SH2D5: variants seen among roughly 807,000 people sequenced by gnomAD.
SH2D5 encodes the protein SH2 domain-containing protein 5.
In SH2D5, 45 loss-of-function variants were observed where a neutral mutation model predicts 48.2. The observed-to-expected ratio is 0.93, with a 90% CI of 0.73 to 1.20. The LOEUF is 1.20. Among genes scored for constraint, SH2D5 ranks in the 50% most tolerant of loss-of-function variants. SH2D5 has a pLI of 0.00. For synonymous variants in SH2D5, 230 were observed against 249.8 expected (o/e 0.92, Z 0.75); for missense variants, 538 against 584.1 (o/e 0.92, Z 0.81).
chr1:20,727,324 G>C (rs996952058), intron 3 of SH2D5, 199 bp downstream of exon 3: 1 of 636,396 alleles, frequency 1.6e-6, no homozygotes, highest in African/African-American at 1.8e-5. Context: ...GCTTCCAGCT[G>C]TGGGGCCCAG....
chr1:20,730,977 A>G (rs1033424611), intron 1 of SH2D5: 2 of 152,386 alleles, frequency 1.3e-5, no homozygotes, highest in South Asian at 2.1e-4. Flanking sequence ...ACCCTGGGTC[A>G]GCAAAGGGTG....
At chr1:20,730,310 G>C (rs942101391) in intron 1 of SH2D5, among the ~76,000 whole-genome samples, 5 of 17,466 alleles carry the variant, frequency 2.9e-4, no homozygotes, top group South Asian at 2.2e-3. Flanking sequence ...CCTGCTCGGG[G>C]GGGGGGGGGA....
At chr1:20,722,076 C>G in intron 9 of SH2D5, 81 bp from the exon 10 acceptor site, 1 of 1,371,582 alleles carries the variant, frequency 7.3e-7, no homozygotes, top group Non-Finnish European at 1.0e-6. Context: ...CCACAGGAGC[C>G]TGCACATTTT....
chr1:20,727,886 T>C, intron 2 of SH2D5, 72 bp downstream of exon 2: 1 of 1,238,692 alleles, frequency 8.1e-7, no homozygotes. Flanking sequence ...CCCGCAGCAC[T>C]TCCCAATCAC....
In SH2D5 at chr1:20,725,998, A is replaced by G. The variant is rs980029046; in HGVS notation, c.312T>C (p.Phe104=). 1 of 1,613,284 alleles carries G rather than the reference A, an allele frequency of 6.2e-7. No individual in the cohort carries two copies. The highest frequency in any genetic ancestry group is 1.3e-5 in the African/African-American group (1 of 74,940). Residue 104 remains phenylalanine (F), a synonymous_variant, in exon 5 of 10, where the codon TTT becomes TTC. Transcript: ENST00000444387. The stretch of plus-strand genomic sequence containing the variant: ...TCCGTGGGTTTCGAGCCATGAAGGC[A>G]AACTGGCAGTCGGCAGGGCACCAGG... ...YSTWCPADCQ[F]AFMARNPRSP...
In SH2D5 at chr1:20,727,030, C is replaced by G. The variant is rs748955141; in HGVS notation, c.214G>C (p.Gly72Arg). ...RAVILKFSLQ[G>R]LKIYSGEGEV... ...CCCTCCCCGCTGTAGATCTTGAGACCCTGAAGGCTGAATTTCAGGATGACG... is the reference window on the plus strand; with the variant it reads ...CCCTCCCCGCTGTAGATCTTGAGACGCTGAAGGCTGAATTTCAGGATGACG... The change falls in exon 4 of 10, where the codon GGT (glycine) becomes CGT (arginine). Residue 72 changes from glycine (G) to arginine (R), a missense_variant. Transcript: ENST00000444387. The G allele has an allele frequency of 2.2e-5, 36 of 1,612,018 alleles. No homozygotes were observed. Among genetic ancestry groups the G allele is most frequent in the Non-Finnish European group, 3.1e-5 (36 of 1,179,044 alleles).
At position 20,728,906 on chromosome 1, in the gene SH2D5, C is replaced by A. The variant is rs2054857970; in HGVS notation, c.-42-820G>T. Among the ~76,000 whole-genome samples the A allele has an allele frequency of 6.6e-6, 1 of 152,116 alleles. No homozygotes were observed. Among genetic ancestry groups the A allele is most frequent in the African/African-American group, 2.4e-5 (1 of 41,420 alleles). On this transcript the variant is annotated intron_variant, in intron 1 of 9. Transcript: ENST00000444387. This position sits in a 1 kb window ranked among gnomAD's most constrained non-coding sequence, Gnocchi z 4.3. ...TCACTCAGCCCAAACAGACCCCAGC[C>A]CCTTCCTGAACCCCCCAACCCCTTG... is the stretch of plus-strand genomic sequence containing the variant.
Position 20,724,392 on chromosome 1 carries a change from G to C in SH2D5, c.630+4C>G. The stretch of plus-strand genomic sequence containing the variant: ...GCCCACTCCTTGGCTGGGGTGCTGC[G>C]TACCCCACTGCCCACCAGCCCCTCT... On this transcript the variant is annotated splice_donor_region_variant and intron_variant, in intron 6 of 9. Transcript: ENST00000444387. 6.2e-7 allele frequency: 1 copy of C among 1,612,334 alleles called. No homozygotes were observed. The highest frequency in any genetic ancestry group is 8.5e-7 in the Non-Finnish European group (1 of 1,179,704).
chr1:20,727,996 C>T lies in SH2D5; in HGVS notation c.49G>A (p.Ala17Thr). The T allele has an allele frequency of 6.4e-7, 1 of 1,570,482 alleles. No homozygotes were observed. The highest frequency in any genetic ancestry group is 8.6e-7 in the Non-Finnish European group (1 of 1,158,764). ...GTGATGCACCTGGGCCGGTGAGGGG[C>T]CAGCCCGCAGTCAGAGGCCCTGCGG... ...GGRRASDCGL[A>T]PHRPRCITKF... Residue 17 changes from alanine (A) to threonine (T), a missense_variant, in exon 2 of 10, where the codon GCC becomes ACC. Transcript: ENST00000444387.
chr1:20,722,985 A>G (rs2054718552), intron 8 of SH2D5, 70 bp from the exon 9 acceptor site: 1 of 1,372,210 alleles, frequency 7.3e-7, no homozygotes, highest in Admixed American at 3.0e-5. Context: ...GGACCCCAGC[A>G]GCATCGAGGC....
rs2054743897 is a variant in SH2D5, at chr1:20,724,073, C to T, written c.799+10G>A. ...GGTACACACAGGGCAGGCATGTTCC[C>T]ACAACTCACAGGCCTCCCGAGCCGA... On this transcript the variant is annotated intron_variant, in intron 7 of 9. Transcript: ENST00000444387. 1.2e-6 allele frequency: 2 copies of T among 1,607,828 alleles called. No individual in the cohort carries two copies. The highest frequency in any genetic ancestry group is 1.3e-5 in the African/African-American group (1 of 74,844).
At position 20,725,976 on chromosome 1, in the gene SH2D5, G is replaced by A. The variant is rs373170097; in HGVS notation, c.334C>T (p.Arg112Trp). 60 of 1,613,170 alleles carry A rather than the reference G, an allele frequency of 3.7e-5. No individual in the cohort carries two copies. The highest frequency in any genetic ancestry group is 2.8e-4 in the African/African-American group (21 of 75,060). ...CQFAFMARNP[R>W]SPASKLFCHL... is the part of the protein sequence containing the mutation. Reference sequence around the variant, plus strand: ...CAGAAGAGCTTGCTGGCTGGGCTCCGTGGGTTTCGAGCCATGAAGGCAAAC... The same window carrying A: ...CAGAAGAGCTTGCTGGCTGGGCTCCATGGGTTTCGAGCCATGAAGGCAAAC... Residue 112 changes from arginine to tryptophan, a missense_variant, in exon 5 of 10, where the codon CGG becomes TGG. Physicochemically the swap from Arg to Trp is moderately radical, Grantham distance 101. Coordinates refer to ENST00000444387, the MANE Select transcript of SH2D5 (RefSeq NM_001103161.2).
intron 9 of SH2D5, among the ~76,000 whole-genome samples, chr1:20,722,377 G>A (rs2054703594): frequency 6.6e-6 from 1 of 152,186 alleles, no homozygotes; most frequent in African/African-American, 2.4e-5. Flanking sequence ...GATTCCTGTA[G>A]AAATGTTAGA....
chr1:20,730,271 G>C (rs1052155350), intron 1 of SH2D5, among the ~76,000 whole-genome samples: 13 of 149,194 alleles, frequency 8.7e-5, no homozygotes, highest in African/African-American at 3.0e-4. Flanking sequence ...AGAGCTGTGG[G>C]GAGGAGAGGG....
rs2054868982 is a variant in SH2D5 at position 20,729,606 on chromosome 1, C to T, written c.-42-1520G>A. On this transcript the variant is annotated intron_variant, in intron 1 of 9. Coordinates refer to ENST00000444387, the MANE Select transcript of SH2D5 (RefSeq NM_001103161.2). The surrounding 1 kb of genome is among the most constrained non-coding windows in gnomAD (Gnocchi z 4.2). Reference sequence around the variant, plus strand: ...TTCTGCTCCCCTCCTTGTCCTTGGCCACACCGACAGGCGCCCACAGAGAGC... The same window carrying T: ...TTCTGCTCCCCTCCTTGTCCTTGGCTACACCGACAGGCGCCCACAGAGAGC... 6.6e-6 allele frequency among the ~76,000 whole-genome samples: 1 copy of T among 150,846 alleles called. No individual in the cohort carries two copies. The highest frequency in any genetic ancestry group is 2.1e-4 in the South Asian group (1 of 4,710).
intron 9 of SH2D5, among the ~76,000 whole-genome samples, chr1:20,722,422 C>A (rs2054704910): frequency 6.6e-6 from 1 of 152,188 alleles, no homozygotes; most frequent in Non-Finnish European, 1.5e-5. Context: ...TAGAGGTACC[C>A]TTTGAAGCCA....
rs918084904 is a variant in SH2D5, at chr1:20,724,748, G to C, written c.391-113C>G. 2.3e-6 allele frequency: 3 copies of C among 1,302,108 alleles called. No individual in the cohort carries two copies. The African/African-American group carries it at 4.5e-5, about 19-fold the overall frequency. 80.7% of individuals were successfully genotyped at this position (1,302,108 alleles called of 1,614,324 possible). A position where few individuals can be genotyped will look rare whatever the true frequency, so the allele number is the denominator to read the frequency against. On this transcript the variant is annotated intron_variant, in intron 5 of 9. Transcript: ENST00000444387. ...TGCATGCAGCCCCTTGGCTTCGGAG[G>C]CTCTTCCCATTCTTCCTGGGAAAGC... is the stretch of plus-strand genomic sequence containing the variant.
At chr1:20,723,506 C>T (rs1381519046) in intron 8 of SH2D5, 120 bp downstream of exon 8, 1 of 705,306 alleles carries the variant, frequency 1.4e-6, no homozygotes. Flanking sequence ...GGCCTGAGGT[C>T]ACTGAGGTTG....
intron 5 of SH2D5, among the ~76,000 whole-genome samples, chr1:20,725,084 C>T (rs1184898730): frequency 2.0e-5 from 3 of 152,246 alleles, no homozygotes; most frequent in Non-Finnish European, 2.9e-5. Flanking sequence ...GCCTCGGTTT[C>T]CTCATCCCCA....
Sources: gnomAD v4.1 joint callset for allele counts (sites outside exome capture counted in the v4.1 genomes callset) on GRCh38, gnomAD v4.1.1 for gene constraint, Gnocchi (gnomAD v3.1) non-coding constraint, MANE v1.5 for transcripts, NCBI Gene and HGNC (gene_info 2026-07-23, HGNC 2026-07-21) for gene names.